Variants in HERC3 observed in about 807,000 individuals in gnomAD.
The protein encoded by HERC3 is HECT and RLD domain containing E3 ubiquitin protein ligase 3.
HERC3 carries 58 observed loss-of-function variants against 129.9 expected under a neutral mutation model. That is an observed-to-expected ratio of 0.45 (90% CI 0.36 to 0.56). HERC3 has a LOEUF of 0.56. Ranked by LOEUF, HERC3 falls within the 20% of genes least tolerant of loss-of-function variation. HERC3 has a pLI of 0.00. For missense variants in HERC3, 835 were observed against 1,244.2 expected (o/e 0.67, Z 4.95); for synonymous variants, 430 against 451.0 (o/e 0.95, Z 0.59).
At chr4:88,546,273 T>C in the HERC3 span, among the ~76,000 whole-genome samples, 1 of 152,154 alleles carries the variant, frequency 6.6e-6, no homozygotes, top group South Asian at 2.1e-4. Context: ...GCTGGTTACC[T>C]TGGCAGAAGG....
chr4:88,594,005 A>G (rs1020222405), intron 1 of HERC3, among the ~76,000 whole-genome samples: 1 of 152,250 alleles, frequency 6.6e-6, no homozygotes, highest in Non-Finnish European at 1.5e-5. Flanking sequence ...GAGGCTAGGA[A>G]CTTTCTGTAA....
At chr4:88,647,717 A>G (rs769399716) in intron 3 of HERC3, among the ~76,000 whole-genome samples, 1 of 151,592 alleles carries the variant, frequency 6.6e-6, no homozygotes, top group Non-Finnish European at 1.5e-5. Context: ...GAAGGAATAT[A>G]TTTATGCAAA....
intron 3 of HERC3, among the ~76,000 whole-genome samples, chr4:88,609,844 A>G (rs1250729791): frequency 6.6e-6 from 1 of 152,046 alleles, no homozygotes; most frequent in Non-Finnish European, 1.5e-5. Flanking sequence ...AAGAATGGCT[A>G]CTCCATAGAC....
At chr4:88,700,327 C>G (rs1238890951) in intron 23 of HERC3, among the ~76,000 whole-genome samples, 1 of 152,110 alleles carries the variant, frequency 6.6e-6, no homozygotes, top group African/African-American at 2.4e-5. Context: ...ATTGCTGGGT[C>G]ATACAGTAAA....
rs747910371 is a variant in HERC3, at chr4:88,655,198, G to A, written c.802G>A (p.Ala268Thr). Reference sequence around the variant, plus strand: ...GAGTGGAGGTGTGTTTACCTTTGGCGCTGGTTCCTGTGGGCAACTTGGACA... The same window carrying A: ...GAGTGGAGGTGTGTTTACCTTTGGCACTGGTTCCTGTGGGCAACTTGGACA... ...TKSGGVFTFG[A>T]GSCGQLGHDS... Residue 268 changes from alanine (A) to threonine (T), a missense_variant, in exon 8 of 26, where the codon GCT (alanine) becomes ACT (threonine). Transcript: ENST00000402738. 6.2e-7 allele frequency: 1 copy of A among 1,613,832 alleles called. No homozygotes were observed.
At chr4:88,604,773 T>G (rs1275153780) in intron 2 of HERC3, among the ~76,000 whole-genome samples, 1 of 152,232 alleles carries the variant, frequency 6.6e-6, no homozygotes. Context: ...CTTGGGTTTA[T>G]AACTAGTAGT....
chr4:88,558,071 CAAAAAAA>C, the HERC3 span, among the ~76,000 whole-genome samples: 122 of 39,148 alleles, frequency 3.1e-3, no homozygotes, highest in African/African-American at 5.5e-3. Context: ...GACTCTGACT[CAAAAAAA>C]AAAAAAAAAA....
intron 16 of HERC3, among the ~76,000 whole-genome samples, chr4:88,671,924 A>G (rs2149303803): frequency 6.6e-6 from 1 of 152,336 alleles, no homozygotes; most frequent in South Asian, 2.1e-4. Flanking sequence ...TTCACTTTCA[A>G]ATTTAGGAAT....
chr4:88,539,071 G>T, the HERC3 span, among the ~76,000 whole-genome samples: 1 of 152,140 alleles, frequency 6.6e-6, no homozygotes, highest in African/African-American at 2.4e-5. Context: ...GGACTGGTTG[G>T]GCAGTGGGTG....
chr4:88,705,352 A>C, intron 25 of HERC3, among the ~76,000 whole-genome samples: 1 of 152,200 alleles, frequency 6.6e-6, no homozygotes, highest in East Asian at 1.9e-4. Flanking sequence ...TATAATTTAT[A>C]TACCATACTC....
At chr4:88,660,331 A>G (rs1211764219) in intron 10 of HERC3, among the ~76,000 whole-genome samples, 1 of 151,904 alleles carries the variant, frequency 6.6e-6, no homozygotes, top group Non-Finnish European at 1.5e-5. Flanking sequence ...CCTTCTGAGT[A>G]GCTGGGATTA....
At chr4:88,598,515 C>G (rs1722644629) in intron 2 of HERC3, among the ~76,000 whole-genome samples, 1 of 152,214 alleles carries the variant, frequency 6.6e-6, no homozygotes, top group Non-Finnish European at 1.5e-5. Context: ...ATCCCATCCT[C>G]TTTTGGGAAT....
At chr4:88,640,720 G>A (rs189867303) in intron 3 of HERC3, among the ~76,000 whole-genome samples, 1 of 152,172 alleles carries the variant, frequency 6.6e-6, no homozygotes, top group Admixed American at 6.5e-5. Context: ...ATGTGTCCTG[G>A]AACTTAAAGG....
At position 88,683,345 on chromosome 4, in the gene HERC3, A is replaced by G. The variant is rs190455250; in HGVS notation, c.2507+2020A>G. 1.3e-4 allele frequency among the ~76,000 whole-genome samples: 20 copies of G among 152,320 alleles called. No individual in the cohort carries two copies. In the East Asian group the frequency reaches 3.7e-3, roughly 28 times the overall value. On this transcript the variant is annotated intron_variant, in intron 21 of 25. Coordinates refer to ENST00000402738, the MANE Select transcript of HERC3 (RefSeq NM_014606.3). The stretch of plus-strand genomic sequence containing the variant: ...CCATAAATGAGAGTATCCCTCTCAT[A>G]TAGGACACCAATACTGAGAAACTAT...
At chr4:88,659,059 T>G (rs940677589) in intron 10 of HERC3, among the ~76,000 whole-genome samples, 1 of 152,080 alleles carries the variant, frequency 6.6e-6, no homozygotes, top group Non-Finnish European at 1.5e-5. Flanking sequence ...TCCAGGTTTC[T>G]GTGACAGGGC....
the HERC3 span, among the ~76,000 whole-genome samples, chr4:88,570,953 T>C: frequency 7.6e-6 from 1 of 132,350 alleles, no homozygotes; most frequent in Non-Finnish European, 1.5e-5. Context: ...AGAGATGGGG[T>C]TTCACCAGGT....
chr4:88,573,999 G>T, the HERC3 span, among the ~76,000 whole-genome samples: 2 of 152,310 alleles, frequency 1.3e-5, no homozygotes, highest in South Asian at 4.1e-4. Flanking sequence ...TGCCATGCCT[G>T]AAATGTGCAG....
At chr4:88,650,731 T>C (rs964778778) in intron 4 of HERC3, among the ~76,000 whole-genome samples, 6 of 152,258 alleles carry the variant, frequency 3.9e-5, no homozygotes, top group Admixed American at 3.3e-4. Flanking sequence ...TAATTGTTTA[T>C]TTAATATCTG....
At chr4:88,619,686 G>T (rs1223635324) in intron 3 of HERC3, among the ~76,000 whole-genome samples, 2 of 152,152 alleles carry the variant, frequency 1.3e-5, no homozygotes, top group Non-Finnish European at 2.9e-5. Context: ...GATAGACTGG[G>T]AGAAATAACT....
Sources: gnomAD v4.1 joint callset for allele counts (sites outside exome capture counted in the v4.1 genomes callset) on GRCh38, gnomAD v4.1.1 for gene constraint, MANE v1.5 for transcripts, NCBI Gene and HGNC (gene_info 2026-07-23, HGNC 2026-07-21) for gene names.